The following PGBD2 variants were observed in gnomAD, a reference collection of about 807,000 sequenced individuals.
PGBD2 encodes the protein piggyBac transposable element derived 2.
PGBD2 carries 6 observed loss-of-function variants against 8.1 expected under a neutral mutation model. The ratio of observed to expected loss-of-function variants is 0.74; its 90% CI spans 0.40 to 1.46. The LOEUF (loss-of-function observed/expected upper bound fraction) is 1.46, where lower values mean the gene tolerates loss of function less well. Ranked by LOEUF, PGBD2 falls within the 40% of genes most tolerant of loss-of-function variation. PGBD2 has a pLI of 0.02. For missense variants in PGBD2, 802 were observed against 739.0 expected, an observed-to-expected ratio of 1.09 and a Z score of -0.99; for synonymous variants, 318 against 272.2, an observed-to-expected ratio of 1.17 and a Z score of -1.66.
upstream of PGBD2, among the ~76,000 whole-genome samples, chr1:248,902,010 T>G (rs1038177708): frequency 6.6e-6 from 1 of 152,212 alleles, no homozygotes; most frequent in African/African-American, 2.4e-5. Context: ...GGTTCATGCC[T>G]GTGGTCCCAG....
At chr1:248,897,184 G>T in the PGBD2 span, among the ~76,000 whole-genome samples, 2 of 151,088 alleles carry the variant, frequency 1.3e-5, no homozygotes, top group Non-Finnish European at 1.5e-5. Context: ...TCTTCCTTAT[G>T]TGAAGGTGCT....
At chr1:248,873,777 CAA>C in the PGBD2 span, among the ~76,000 whole-genome samples, 6 of 152,214 alleles carry the variant, frequency 3.9e-5, no homozygotes, top group African/African-American at 1.4e-4. Context: ...CCCACGGCCG[CAA>C]CTCGGGTGTG....
the PGBD2 span, among the ~76,000 whole-genome samples, chr1:248,900,217 C>G: frequency 3.9e-5 from 6 of 151,988 alleles, no homozygotes; most frequent in South Asian, 1.2e-3. Flanking sequence ...AAAGGAGGGA[C>G]TCCTCCCTAA....
upstream of PGBD2, among the ~76,000 whole-genome samples, chr1:248,905,801 C>T (rs2103099384): frequency 6.6e-6 from 1 of 152,216 alleles, no homozygotes; most frequent in East Asian, 1.9e-4. Context: ...GTTCTCAAGC[C>T]CTAGTTTGTA....
the PGBD2 span, among the ~76,000 whole-genome samples, chr1:248,927,867 A>G: frequency 6.6e-6 from 1 of 152,200 alleles, no homozygotes; most frequent in Non-Finnish European, 1.5e-5. Context: ...AGATAAAGAA[A>G]ATACATAGCT....
chr1:248,897,809 C>CA, the PGBD2 span, among the ~76,000 whole-genome samples: 30,608 of 152,104 alleles, frequency 0.2, 7,443 homozygotes, highest in African/African-American at 0.58. Context: ...CCAGTGGCAG[C>CA]GACTGGAGAC....
At position 248,916,908 on chromosome 1, in the gene PGBD2, T is replaced by C. The variant is rs997256301; in HGVS notation, c.324T>C (p.Pro108=). 6.2e-7 allele frequency: 1 copy of C among 1,614,018 alleles called. No individual in the cohort carries two copies. The change falls in exon 3 of 3, where the codon CCT becomes CCC. Residue 108 remains proline (P), a synonymous_variant. Coordinates refer to ENST00000329291, the MANE Select transcript of PGBD2 (RefSeq NM_170725.3). ...AGAGGCAGAAAGCAGTTGTGAAACC[T>C]CAGCGCATTTGGACCAAAAGAGATA... is the stretch of plus-strand genomic sequence containing the variant. The part of the protein sequence containing the change: ...AKKRQKAVVK[P]QRIWTKRDIR...
chr1:248,885,657 T>C, the PGBD2 span, among the ~76,000 whole-genome samples: 33,354 of 152,080 alleles, frequency 0.22, 8,666 homozygotes, highest in African/African-American at 0.63. Flanking sequence ...CAGTGCTTGA[T>C]GAAGACTATC....
the PGBD2 span, among the ~76,000 whole-genome samples, chr1:248,886,950 A>G: frequency 0.99 from 150,715 of 152,300 alleles, 74,582 homozygotes; most frequent in East Asian, 1. Context: ...GCAGCATGCC[A>G]GTGGTTTGGC....
At chr1:248,908,596 A>G (rs574551911) in intron 1 of PGBD2, among the ~76,000 whole-genome samples, 79 of 151,360 alleles carry the variant, frequency 5.2e-4, no homozygotes, top group African/African-American at 1.3e-3. Context: ...CCCTGCATCT[A>G]TGTTGGGGCC....
At chr1:248,907,177 CA>C (rs1364865394) in intron 1 of PGBD2, among the ~76,000 whole-genome samples, 3 of 152,154 alleles carry the variant, frequency 2.0e-5, no homozygotes, top group African/African-American at 7.2e-5. Flanking sequence ...AACATGTGAG[CA>C]AAAGAATTTA....
chr1:248,893,040 T>G, the PGBD2 span, among the ~76,000 whole-genome samples: 3 of 152,246 alleles, frequency 2.0e-5, no homozygotes, highest in Admixed American at 1.3e-4. Context: ...ATACTCTATA[T>G]GTTTTACCTT....
the PGBD2 span, among the ~76,000 whole-genome samples, chr1:248,876,087 C>T: frequency 6.6e-6 from 1 of 151,670 alleles, no homozygotes; most frequent in African/African-American, 2.4e-5. Flanking sequence ...TGGCTCACCG[C>T]AACCTCCGCC....
Position 248,918,149 on chromosome 1 carries a change from G to C in PGBD2, c.1565G>C (p.Cys522Ser), listed in dbSNP as rs776169290. Residue 522 changes from cysteine to serine, a missense_variant, in exon 3 of 3, where the codon TGT (cysteine) becomes TCT (serine). Transcript: ENST00000329291. Reference protein sequence around the residue: ...DLLAFRRYIACVYLESNADTT... With the variant: ...DLLAFRRYIASVYLESNADTT... Reference sequence around the variant, plus strand: ...CTTGCCTTCCGGAGATACATTGCCTGTGTGTATCTGGAGAGCAATGCTGAC... The same window carrying C: ...CTTGCCTTCCGGAGATACATTGCCTCTGTGTATCTGGAGAGCAATGCTGAC... The C allele has an allele frequency of 3.7e-6, 6 of 1,614,212 alleles. No individual in the cohort carries two copies.
In PGBD2 at chr1:248,918,293, C is replaced by G. The variant is rs1403307840; in HGVS notation, c.1709C>G (p.Thr570Ser). ...CGGTGTGCCCTCTGCCACTCACAGA[C>G]CAACACCCGGTGTGAGAAGTGCCAG... ...RTRCALCHSQ[T>S]NTRCEKCQKG... The change falls in exon 3 of 3, where the codon ACC becomes AGC. Residue 570 changes from threonine (T) to serine (S), a missense_variant. Coordinates refer to ENST00000329291, the MANE Select transcript of PGBD2 (RefSeq NM_170725.3). The G allele has an allele frequency of 6.2e-7, 1 of 1,601,058 alleles. No individual in the cohort carries two copies. Among genetic ancestry groups the G allele is most frequent in the East Asian group, 2.2e-5 (1 of 44,850 alleles).
the PGBD2 span, among the ~76,000 whole-genome samples, chr1:248,926,784 CTA>C: frequency 6.6e-6 from 1 of 152,062 alleles, no homozygotes; most frequent in Non-Finnish European, 1.5e-5. Flanking sequence ...CAGAAATATC[CTA>C]TGTTCCAAAA....
At chr1:248,919,986 C>T (rs1414458893), downstream of PGBD2, 5 of 152,204 alleles carry the variant, frequency 3.3e-5, no homozygotes, top group African/African-American at 1.2e-4. Flanking sequence ...AAGTGATTCT[C>T]CTGCCTCAGC....
chr1:248,875,583 C>T, the PGBD2 span, among the ~76,000 whole-genome samples: 2 of 152,112 alleles, frequency 1.3e-5, no homozygotes, highest in Admixed American at 6.5e-5. Context: ...TAATTAAAAA[C>T]TCCTAAACCA....
At chr1:248,883,527 T>G in the PGBD2 span, among the ~76,000 whole-genome samples, 1 of 151,892 alleles carries the variant, frequency 6.6e-6, no homozygotes, top group African/African-American at 2.4e-5. Context: ...ATGTATAGTT[T>G]GTGAAAATTT....
Sources: gnomAD v4.1 joint callset for allele counts (sites outside exome capture counted in the v4.1 genomes callset) on GRCh38, gnomAD v4.1.1 for gene constraint, MANE v1.5 for transcripts, NCBI Gene and HGNC (gene_info 2026-07-23, HGNC 2026-07-21) for gene names.